The following PAM variants were observed in gnomAD, a reference collection of about 807,000 sequenced individuals.
The protein encoded by PAM is peptidyl-glycine alpha-amidating monooxygenase.
A neutral mutation model predicts 122.1 loss-of-function variants in PAM; 72 were observed. The ratio of observed to expected loss-of-function variants is 0.59; its 90% confidence interval spans 0.49 to 0.72. The LOEUF is 0.72. Among genes scored for constraint, PAM ranks in the 30% least tolerant of loss-of-function variants. The pLI is 0.00. For missense variants in PAM, 1,106 were observed against 1,183.7 expected (o/e 0.93, Z 0.96); for synonymous variants, 389 against 404.4 (o/e 0.96, Z 0.46).
At chr5:102,927,008 G>A (rs924264195) in intron 7 of PAM, among the ~76,000 whole-genome samples, 8 of 151,946 alleles carry the variant, frequency 5.3e-5, no homozygotes, top group Admixed American at 5.2e-4. Flanking sequence ...GGAAGGTACT[G>A]GTTGTTTATA....
chr5:102,802,878 T>C (rs545115924), intron 1 of PAM, among the ~76,000 whole-genome samples: 63 of 152,280 alleles, frequency 4.1e-4, no homozygotes, highest in African/African-American at 1.4e-3. Flanking sequence ...TGTTCTTCCC[T>C]TTTTGAAAAT....
Position 102,950,706 on chromosome 5 carries a change from C to G in PAM, c.802-11C>G, listed in dbSNP as rs368931863. 1 of 1,535,726 alleles carries G rather than the reference C, an allele frequency of 6.5e-7. No homozygotes were observed. Among genetic ancestry groups the G allele is most frequent in the Non-Finnish European group, 9.0e-7 (1 of 1,110,142 alleles). On this transcript the variant is annotated splice_polypyrimidine_tract_variant and intron_variant, in intron 11 of 25. Transcript: ENST00000438793. ...AATATTAATGATTCATTGTGTTTGT[C>G]TTTTTGGTAGGCTTTCTACCCTGTG...
intron 14 of PAM, among the ~76,000 whole-genome samples, chr5:102,970,843 G>C (rs1448198307): frequency 6.6e-6 from 1 of 151,568 alleles, no homozygotes; most frequent in Non-Finnish European, 1.5e-5. Context: ...GTCTCACTCT[G>C]TCTCCCGGGC....
At chr5:102,964,420 C>G (rs940882829) in intron 14 of PAM, among the ~76,000 whole-genome samples, 2 of 151,788 alleles carry the variant, frequency 1.3e-5, no homozygotes, top group African/African-American at 4.8e-5. Flanking sequence ...AGCAAGTGTA[C>G]CTCAGATTCT....
At chr5:102,943,195 A>G (rs1207177790) in intron 7 of PAM, among the ~76,000 whole-genome samples, 1 of 152,220 alleles carries the variant, frequency 6.6e-6, no homozygotes, top group Non-Finnish European at 1.5e-5. Context: ...AGATGAGCTC[A>G]TAAAGTATAG....
Position 103,010,375 on chromosome 5 carries a change from A to G in PAM, c.2331+509A>G, listed in dbSNP as rs1184384320. ...CTAAAGATTTGGTTAAGAAACTAAA[A>G]GCTACTTTTGGCTTCAAAAGTGTTT... On this transcript the variant is annotated intron_variant, in intron 21 of 25. Coordinates refer to ENST00000438793, the MANE Select transcript of PAM (RefSeq NM_001177306.2). Among the ~76,000 whole-genome samples the G allele has an allele frequency of 2.6e-5, 4 of 152,338 alleles. No individual in the cohort carries two copies. The South Asian group carries it at 8.3e-4, about 32-fold the overall frequency.
At chr5:102,915,478 C>A (rs956363757) in intron 5 of PAM, among the ~76,000 whole-genome samples, 1 of 152,170 alleles carries the variant, frequency 6.6e-6, no homozygotes, top group Admixed American at 6.6e-5. Context: ...ACAGAGTCAG[C>A]AAATCACAGT....
chr5:103,015,047 T>G (rs1169228552), intron 21 of PAM, among the ~76,000 whole-genome samples: 1 of 152,200 alleles, frequency 6.6e-6, no homozygotes, highest in Admixed American at 6.5e-5. Context: ...ACAGTGATGA[T>G]TAAAATGACA....
chr5:102,896,443 G>A (rs1251544370), intron 3 of PAM, among the ~76,000 whole-genome samples: 1 of 151,662 alleles, frequency 6.6e-6, no homozygotes, highest in East Asian at 1.9e-4. Flanking sequence ...TGAGTTTATT[G>A]CCACCAAAAG....
intron 3 of PAM, among the ~76,000 whole-genome samples, chr5:102,887,633 T>C (rs1793550073): frequency 6.6e-6 from 1 of 152,008 alleles, no homozygotes; most frequent in Non-Finnish European, 1.5e-5. Context: ...TGGAACCACA[T>C]TAGACTATTT....
At chr5:102,847,023 G>T (rs990164604) in intron 1 of PAM, among the ~76,000 whole-genome samples, 1 of 152,192 alleles carries the variant, frequency 6.6e-6, no homozygotes, top group South Asian at 2.1e-4. Context: ...ACCTTTCAAG[G>T]CTGGGAGAGT....
chr5:102,825,049 A>G (rs1428761306), intron 1 of PAM, among the ~76,000 whole-genome samples: 2 of 152,168 alleles, frequency 1.3e-5, no homozygotes, highest in Non-Finnish European at 2.9e-5. Flanking sequence ...ATGCGAAAGC[A>G]CCTTTCTTAC....
intron 3 of PAM, among the ~76,000 whole-genome samples, chr5:102,891,351 G>A (rs1410592619): frequency 1.3e-5 from 2 of 151,812 alleles, no homozygotes; most frequent in Non-Finnish European, 2.9e-5. Context: ...CCAAGAGCAG[G>A]CCAAAGAATG....
chr5:102,958,016 A>G (rs1169997494), intron 12 of PAM, among the ~76,000 whole-genome samples: 3 of 152,214 alleles, frequency 2.0e-5, no homozygotes, highest in Non-Finnish European at 2.9e-5. Context: ...AACAGAGAAC[A>G]CACTGGCCCA....
At position 103,017,514 on chromosome 5, in the gene PAM, T is replaced by A. The variant is rs767146017; in HGVS notation, c.2431+81T>A. On this transcript the variant is annotated intron_variant, in intron 22 of 25. Coordinates refer to ENST00000438793, the MANE Select transcript of PAM (RefSeq NM_001177306.2). The stretch of plus-strand genomic sequence containing the variant: ...GCATATGAAACAAAAACATTTGCAT[T>A]TCCTTATCTTTTTACTGATGAGAGT... 3.1e-5 allele frequency: 26 copies of A among 848,170 alleles called. No individual in the cohort carries two copies. The South Asian group carries it at 3.1e-4, about 10-fold the overall frequency. 52.5% of individuals were successfully genotyped at this position (848,170 alleles called of 1,614,324 possible). A position where few individuals can be genotyped will look rare whatever the true frequency, so the allele number is the denominator to read the frequency against.
At chr5:102,999,929 C>T (rs1409292770) in intron 16 of PAM, among the ~76,000 whole-genome samples, 1 of 152,226 alleles carries the variant, frequency 6.6e-6, no homozygotes, top group Non-Finnish European at 1.5e-5. Flanking sequence ...GACATTTTCC[C>T]TATTGTTTTG....
chr5:102,860,550 G>A (rs559199851), intron 1 of PAM, among the ~76,000 whole-genome samples: 1 of 152,082 alleles, frequency 6.6e-6, no homozygotes, highest in Non-Finnish European at 1.5e-5. Flanking sequence ...GCCAGGTGTA[G>A]TGGTGCATAC....
At chr5:102,851,354 A>T (rs1174332149) in intron 1 of PAM, among the ~76,000 whole-genome samples, 1 of 152,196 alleles carries the variant, frequency 6.6e-6, no homozygotes, top group African/African-American at 2.4e-5. Flanking sequence ...TTGGAACTCA[A>T]TAAAGAATAT....
Position 102,795,492 on chromosome 5 carries a change from G to A in PAM, c.-374+40144G>A, listed in dbSNP as rs149838078. Among the ~76,000 whole-genome samples, 31 of 152,324 alleles carry A rather than the reference G, an allele frequency of 2.0e-4. No individual in the cohort carries two copies. The East Asian group carries it at 5.8e-3, about 28-fold the overall frequency. On this transcript the variant is annotated intron_variant, in intron 1 of 25. Transcript: ENST00000438793. ...CTCGCTGCTTTAATTTGCGTGTACAGATTGCTGTTAGTGTTGTTACTATCT... is the reference window on the plus strand; with the variant it reads ...CTCGCTGCTTTAATTTGCGTGTACAAATTGCTGTTAGTGTTGTTACTATCT...
Sources: allele counts gnomAD v4.1 joint callset (sites outside exome capture counted in the v4.1 genomes callset), GRCh38; gene constraint gnomAD v4.1.1; transcripts MANE v1.5; gene names NCBI Gene and HGNC (gene_info 2026-07-23, HGNC 2026-07-21).